GPC6: variants seen among roughly 807,000 people sequenced by gnomAD.
The protein encoded by GPC6 is glypican-6.
GPC6 carries 14 observed loss-of-function variants against 55.2 expected under a neutral mutation model. The ratio of observed to expected loss-of-function variants is 0.25; its 90% CI spans 0.17 to 0.40. The LOEUF (loss-of-function observed/expected upper bound fraction) is 0.40. Ranked by LOEUF, GPC6 falls within the 10% of genes least tolerant of loss-of-function variation. GPC6 has a pLI of 1.00. For synonymous variants in GPC6, 278 were observed against 259.6 expected, an observed-to-expected ratio of 1.07 and a Z score of -0.68; for missense variants, 641 against 708.5, an observed-to-expected ratio of 0.90 and a Z score of 1.08.
rs34427487 is a variant in GPC6, at chr13:94,228,797, TA to T, written c.878-57537del. 1.6e-3 allele frequency among the ~76,000 whole-genome samples: 232 copies of T among 145,310 alleles called. 2 individuals are homozygous for T. The highest frequency in any genetic ancestry group is 8.9e-4 in the Non-Finnish European group (59 of 66,474). Reference sequence around the variant, plus strand: ...CAATACACATATATCCTCTTTGGTTTAAAAAAAAAAAAAAAGTCTAGACAGA... The same window carrying T: ...CAATACACATATATCCTCTTTGGTTTAAAAAAAAAAAAAAGTCTAGACAGA... On this transcript the variant is annotated intron_variant, in intron 4 of 8. Coordinates refer to ENST00000377047, the MANE Select transcript of GPC6 (RefSeq NM_005708.5).
intron 1 of GPC6, among the ~76,000 whole-genome samples, chr13:93,274,104 T>C (rs1877646601): frequency 6.6e-6 from 1 of 151,806 alleles, no homozygotes; most frequent in Non-Finnish European, 1.5e-5. Context: ...GATTGCCTCA[T>C]TTTTTAAGGG....
intron 2 of GPC6, among the ~76,000 whole-genome samples, chr13:93,768,689 T>A (rs1885197657): frequency 6.6e-6 from 1 of 152,208 alleles, no homozygotes; most frequent in Non-Finnish European, 1.5e-5. Context: ...GCCATTAAGA[T>A]GATCTTCGTA....
At chr13:93,904,778 A>C (rs570537584) in intron 3 of GPC6, among the ~76,000 whole-genome samples, 1 of 151,882 alleles carries the variant, frequency 6.6e-6, no homozygotes, top group Non-Finnish European at 1.5e-5. Context: ...CTTTTTTTAA[A>C]ATTTATTATT....
intron 4 of GPC6, among the ~76,000 whole-genome samples, chr13:94,076,768 T>C (rs1160362420): frequency 1.3e-5 from 2 of 151,844 alleles, no homozygotes; most frequent in African/African-American, 2.4e-5. Context: ...GGTACCTTTT[T>C]TTGAAGATAA....
At chr13:93,620,156 AG>A (rs1878890862) in intron 2 of GPC6, among the ~76,000 whole-genome samples, 1 of 152,184 alleles carries the variant, frequency 6.6e-6, no homozygotes, top group Non-Finnish European at 1.5e-5. Flanking sequence ...CAAATCGTTT[AG>A]TAAGATGTTC....
intron 5 of GPC6, among the ~76,000 whole-genome samples, chr13:94,303,741 T>A (rs890798040): frequency 6.7e-6 from 1 of 148,638 alleles, no homozygotes; most frequent in Non-Finnish European, 1.5e-5. Context: ...GACTAACCTA[T>A]GTTCTGTAAT....
intron 2 of GPC6, among the ~76,000 whole-genome samples, chr13:93,577,481 A>T (rs1273872041): frequency 4.3e-5 from 3 of 70,118 alleles, no homozygotes; most frequent in African/African-American, 6.9e-5. Flanking sequence ...GCTGTTCAAA[A>T]ATAGATAGCA....
intron 6 of GPC6, among the ~76,000 whole-genome samples, chr13:94,326,901 T>C (rs763354575): frequency 2.6e-5 from 4 of 152,216 alleles, no homozygotes; most frequent in African/African-American, 4.8e-5. Flanking sequence ...ACTTGTTCCC[T>C]CCTCCTATGA....
chr13:93,791,059 C>T (rs1886017401), intron 2 of GPC6, among the ~76,000 whole-genome samples: 3 of 152,138 alleles, frequency 2.0e-5, no homozygotes, highest in South Asian at 2.1e-4. Flanking sequence ...CCCACCTACC[C>T]GCACTCCCTG....
At chr13:93,541,182 C>G (rs567196873) in intron 1 of GPC6, among the ~76,000 whole-genome samples, 32 of 118,030 alleles carry the variant, frequency 2.7e-4, no homozygotes, top group African/African-American at 9.3e-4. Flanking sequence ...CCCCTCCCCC[C>G]ACCCCACAAC....
chr13:93,903,162 GT>G (rs1455703428), intron 3 of GPC6, among the ~76,000 whole-genome samples: 6 of 152,102 alleles, frequency 3.9e-5, no homozygotes, highest in Non-Finnish European at 5.9e-5. Context: ...TCTGGGCAAG[GT>G]TTTTTTGGAT....
At chr13:94,286,246 T>A in intron 4 of GPC6, 103 bp from the exon 5 acceptor site, 1 of 1,174,166 alleles carries the variant, frequency 8.5e-7, no homozygotes, top group South Asian at 1.3e-5. Flanking sequence ...AAAACGTGAA[T>A]GCACCATTAT....
intron 3 of GPC6, among the ~76,000 whole-genome samples, chr13:93,988,154 A>C (rs1008522482): frequency 6.6e-6 from 1 of 152,210 alleles, no homozygotes; most frequent in South Asian, 2.1e-4. Flanking sequence ...ATTGAATCAC[A>C]ATCATCATGT....
At chr13:94,177,510 T>C (rs1888820596) in intron 4 of GPC6, among the ~76,000 whole-genome samples, 1 of 151,980 alleles carries the variant, frequency 6.6e-6, no homozygotes, top group South Asian at 2.1e-4. Flanking sequence ...GTAAAGAGAG[T>C]TAGCAAACAT....
chr13:93,393,786 A>G (rs1875741761), intron 1 of GPC6, among the ~76,000 whole-genome samples: 1 of 151,972 alleles, frequency 6.6e-6, no homozygotes, highest in African/African-American at 2.4e-5. Flanking sequence ...ACCCCATGAT[A>G]TACTCCTGCC....
chr13:94,337,693 C>A (rs573147662), intron 6 of GPC6, among the ~76,000 whole-genome samples: 1 of 152,308 alleles, frequency 6.6e-6, no homozygotes, highest in East Asian at 1.9e-4. Flanking sequence ...AGTGATCTAC[C>A]TGTCTTGGCC....
chr13:94,267,150 G>A (rs1228932587), intron 4 of GPC6, among the ~76,000 whole-genome samples: 1 of 152,164 alleles, frequency 6.6e-6, no homozygotes, highest in Non-Finnish European at 1.5e-5. Context: ...TGGTCTAGGT[G>A]TATGGGCCAG....
chr13:94,368,179 C>T (rs1038565620), intron 6 of GPC6, among the ~76,000 whole-genome samples: 17 of 151,148 alleles, frequency 1.1e-4, no homozygotes, highest in South Asian at 4.2e-4. Flanking sequence ...ACCACACCAC[C>T]GCGAAAATAT....
At chr13:93,343,381 T>A (rs1880327112) in intron 1 of GPC6, among the ~76,000 whole-genome samples, 1 of 152,166 alleles carries the variant, frequency 6.6e-6, no homozygotes, top group South Asian at 2.1e-4. Flanking sequence ...ATCGAGCCTG[T>A]GAGCATTGAA....
Sources: gnomAD v4.1 joint callset for allele counts (sites outside exome capture counted in the v4.1 genomes callset) on GRCh38, gnomAD v4.1.1 for gene constraint, MANE v1.5 for transcripts, NCBI Gene and HGNC (gene_info 2026-07-23, HGNC 2026-07-21) for gene names.